PPP2R5C: variants seen among roughly 807,000 people sequenced by gnomAD.
PPP2R5C encodes serine/threonine-protein phosphatase 2A 56 kDa regulatory subunit gamma isoform.
A neutral mutation model predicts 68.9 loss-of-function variants in PPP2R5C; 7 were observed. The ratio of observed to expected loss-of-function variants is 0.10; its 90% CI spans 0.06 to 0.19. The LOEUF (loss-of-function observed/expected upper bound fraction) is 0.19, where lower values mean the gene tolerates loss of function less well. Among genes scored for constraint, PPP2R5C ranks in the 10% least tolerant of loss-of-function variants. PPP2R5C has a pLI of 1.00. For missense variants in PPP2R5C, 348 were observed against 641.3 expected (o/e 0.54, Z 4.94); for synonymous variants, 210 against 222.2 (o/e 0.95, Z 0.49).
intron 3 of PPP2R5C, among the ~76,000 whole-genome samples, chr14:101,801,795 A>G (rs933134810): frequency 1.3e-5 from 2 of 152,252 alleles, no homozygotes; most frequent in Non-Finnish European, 1.5e-5. Flanking sequence ...TGCAATCCCT[A>G]TTAAAACTTT....
At chr14:101,895,882 A>G (rs2045286868) in intron 8 of PPP2R5C, among the ~76,000 whole-genome samples, 1 of 152,144 alleles carries the variant, frequency 6.6e-6, no homozygotes, top group African/African-American at 2.4e-5. Context: ...TAGCTGCGGG[A>G]CAGACCCCCA....
chr14:101,803,232 C>T (rs1330201573), intron 3 of PPP2R5C: 3 of 152,074 alleles, frequency 2.0e-5, no homozygotes, highest in African/African-American at 4.8e-5. Flanking sequence ...AAATAGTGCT[C>T]GCTTCAGCAG....
chr14:101,861,044 TA>T (rs1469141034), intron 2 of PPP2R5C, among the ~76,000 whole-genome samples: 1 of 152,172 alleles, frequency 6.6e-6, no homozygotes, highest in Non-Finnish European at 1.5e-5. Context: ...TCAATTAAAT[TA>T]TCTAGTTAAT....
chr14:101,831,867 G>T, intron 1 of PPP2R5C: 1 of 647,616 alleles, frequency 1.5e-6, no homozygotes. Context: ...TACTTACATT[G>T]GCTTTAAAGT....
chr14:101,852,814 G>A (rs1279948781), intron 1 of PPP2R5C, among the ~76,000 whole-genome samples: 1 of 152,024 alleles, frequency 6.6e-6, no homozygotes, highest in African/African-American at 2.4e-5. Flanking sequence ...TGTCATTTTG[G>A]ATGCCCTGGG....
At chr14:101,818,991 G>T in intron 1 of PPP2R5C, 1 of 1,544,214 alleles carries the variant, frequency 6.5e-7, no homozygotes, top group Non-Finnish European at 8.8e-7. Flanking sequence ...TTTCACTCTA[G>T]GGAACAAGTC....
upstream of PPP2R5C, among the ~76,000 whole-genome samples, chr14:101,809,290 G>A (rs1283270723): frequency 1.3e-5 from 2 of 151,538 alleles, no homozygotes; most frequent in Non-Finnish European, 2.9e-5. Flanking sequence ...GAAAAAAAGT[G>A]TTTGGGATCA....
chr14:101,798,926 G>A (rs564158578), intron 3 of PPP2R5C, among the ~76,000 whole-genome samples: 1 of 152,362 alleles, frequency 6.6e-6, no homozygotes, highest in African/African-American at 2.4e-5. Flanking sequence ...GTTCAGGGGA[G>A]AGGGAAATGC....
intron 2 of PPP2R5C, chr14:101,766,887 G>A (rs936313043): frequency 2.6e-5 from 4 of 152,200 alleles, no homozygotes; most frequent in African/African-American, 9.7e-5. Context: ...ATTGCTCTGA[G>A]TTTCCTCAAG....
intron 11 of PPP2R5C, among the ~76,000 whole-genome samples, chr14:101,910,441 A>G (rs560681014): frequency 2.6e-5 from 4 of 152,336 alleles, no homozygotes; most frequent in Admixed American, 2.6e-4. Context: ...AACAACTGCC[A>G]TTTAGTCATT....
In PPP2R5C at chr14:101,824,262, A is replaced by T. The variant is rs543793544; in HGVS notation, c.94+14226A>T. 5.5e-6 allele frequency: 6 copies of T among 1,089,632 alleles called. No homozygotes were observed. In the South Asian group the frequency reaches 9.6e-5, roughly 17 times the overall value. 67.5% of individuals were successfully genotyped at this position (1,089,632 alleles called of 1,614,324 possible). A position where few individuals can be genotyped will look rare whatever the true frequency, so the allele number is the denominator to read the frequency against. ...ATATATTCTTTTTATTCGTAATGAT[A>T]TAGCATGAAGTTCTTGCGGGGTAGG... On this transcript the variant is annotated intron_variant, in intron 1 of 13. Coordinates refer to ENST00000334743, the Ensembl canonical transcript of PPP2R5C.
chr14:101,839,680 A>G (rs1287951292), intron 1 of PPP2R5C: 1 of 152,268 alleles, frequency 6.6e-6, no homozygotes, highest in Non-Finnish European at 1.5e-5. Context: ...ATCATAAAGT[A>G]AAACATTATT....
chr14:101,825,211 C>CATGTGTGTGTGT lies in PPP2R5C; in HGVS notation c.94+15175_94+15176insATGTGTGTGTGT, dbSNP rs1490529678. On this transcript the variant is annotated intron_variant, in intron 1 of 13. Transcript: ENST00000334743. The surrounding 1 kb of genome is among the most constrained non-coding windows in gnomAD (Gnocchi z 4.0). ...AGGGATAGGATAAGAGGGTTTTCAG[C>CATGTGTGTGTGT]GTGTGTGTGTGTGTGTGTGTGTGTG... 5.1e-4 allele frequency among the ~76,000 whole-genome samples: 73 copies of CATGTGTGTGTGT among 143,110 alleles called. No individual in the cohort carries two copies. The highest frequency in any genetic ancestry group is 1.8e-3 in the African/African-American group (70 of 38,554). The allele number at this position is 143,110 out of a possible 152,430, so 93.9% of individuals were successfully genotyped here.
intron 2 of PPP2R5C, among the ~76,000 whole-genome samples, chr14:101,869,828 T>G (rs1246579057): frequency 6.6e-6 from 1 of 151,992 alleles, no homozygotes; most frequent in Non-Finnish European, 1.5e-5. Context: ...ATTTTTGTAT[T>G]TTTAGTAGAG....
intron 2 of PPP2R5C, among the ~76,000 whole-genome samples, chr14:101,867,933 T>TA (rs1338586173): frequency 1.3e-5 from 2 of 152,218 alleles, no homozygotes; most frequent in African/African-American, 2.4e-5. Flanking sequence ...GATGTTGACT[T>TA]ACACGTTTTA....
chr14:101,846,631 A>G (rs2041846003), intron 1 of PPP2R5C, among the ~76,000 whole-genome samples: 1 of 152,206 alleles, frequency 6.6e-6, no homozygotes, highest in Non-Finnish European at 1.5e-5. Context: ...TTCAAGTTGT[A>G]GAAGCTTGGA....
chr14:101,822,555 AT>A (rs1399665814), intron 1 of PPP2R5C, among the ~76,000 whole-genome samples: 3 of 152,150 alleles, frequency 2.0e-5, no homozygotes, highest in Non-Finnish European at 2.9e-5. Flanking sequence ...TAAAGTTGTG[AT>A]TTTGGGAAAT....
intron 3 of PPP2R5C, chr14:101,796,911 A>T (rs2038638579): frequency 6.6e-6 from 2 of 301,122 alleles, no homozygotes; most frequent in Admixed American, 4.3e-5. Flanking sequence ...AAAAAAAAAA[A>T]TTTAAAAACT....
intron 1 of PPP2R5C, chr14:101,819,010 C>A: frequency 6.4e-7 from 1 of 1,550,968 alleles, no homozygotes; most frequent in Non-Finnish European, 8.7e-7. Flanking sequence ...TCCTGAAGAA[C>A]CCTCAAGCCC....
Sources: allele counts gnomAD v4.1 joint callset (sites outside exome capture counted in the v4.1 genomes callset), GRCh38; gene constraint gnomAD v4.1.1; non-coding constraint Gnocchi (gnomAD v3.1); transcripts MANE v1.5; gene names NCBI Gene and HGNC (gene_info 2026-07-23, HGNC 2026-07-21).